RIPK1: variants seen among roughly 807,000 people sequenced by gnomAD.
RIPK1 encodes receptor-interacting serine/threonine-protein kinase 1.
In RIPK1, 27 loss-of-function variants were observed where a neutral mutation model predicts 62.4. The ratio of observed to expected loss-of-function variants is 0.43; its 90% confidence interval spans 0.32 to 0.60. The LOEUF (loss-of-function observed/expected upper bound fraction) is 0.60. Among genes scored for constraint, RIPK1 ranks in the 20% least tolerant of loss-of-function variants. The probability of loss-of-function intolerance (pLI) is 0.07; values close to 1 mark genes in which losing one functional copy is unlikely to be tolerated. For synonymous variants in RIPK1, 287 were observed against 303.2 expected (o/e 0.95, Z 0.55); for missense variants, 735 against 831.0 (o/e 0.88, Z 1.42).
At position 3,110,864 on chromosome 6, in the gene RIPK1, T is replaced by C. The variant is rs1255301168; in HGVS notation, c.1638T>C (p.Tyr546=). 6.2e-7 allele frequency: 1 copy of C among 1,603,922 alleles called. No individual in the cohort carries two copies. Among genetic ancestry groups the C allele is most frequent in the South Asian group, 1.1e-5 (1 of 90,870 alleles). The change falls in exon 10 of 11, where the codon TAT becomes TAC. Residue 546 remains tyrosine (Y), a synonymous_variant. Coordinates refer to ENST00000259808, the MANE Select transcript of RIPK1 (RefSeq NM_001354930.2). ...STGIQIGAYN[Y]MEIGGTSSSL... ...GCATTCAGATTGGAGCCTACAATTA[T>C]ATGGAGATTGGTGGGACGAGTTCAT...
chr6:3,066,685 G>T (rs1758394756), upstream of RIPK1, among the ~76,000 whole-genome samples: 1 of 152,106 alleles, frequency 6.6e-6, no homozygotes, highest in Non-Finnish European at 1.5e-5. Flanking sequence ...TGGAATATTT[G>T]TCACACCTGA....
At position 3,105,378 on chromosome 6, in the gene RIPK1, T is replaced by G; in HGVS notation, c.1007-104T>G. On this transcript the variant is annotated intron_variant, in intron 8 of 10. Transcript: ENST00000259808. This position sits in a 1 kb window ranked among gnomAD's most constrained non-coding sequence, Gnocchi z 4.5. ...GCTTTGGACTGGTCTCGTACTTGTTTTCTGTGTGTTACTTTGAGATACAGA... is the reference window on the plus strand; with the variant it reads ...GCTTTGGACTGGTCTCGTACTTGTTGTCTGTGTGTTACTTTGAGATACAGA... 1.1e-6 allele frequency: 1 copy of G among 891,344 alleles called. No individual in the cohort carries two copies. The highest frequency in any genetic ancestry group is 1.7e-6 in the Non-Finnish European group (1 of 571,612). The allele number at this position is 891,344 out of a possible 1,614,324, so 55.2% of individuals were successfully genotyped here.
chr6:3,109,547 T>C lies in RIPK1; in HGVS notation c.1577-1256T>C, dbSNP rs533347802. Among the ~76,000 whole-genome samples, 4 of 152,348 alleles carry C rather than the reference T, an allele frequency of 2.6e-5. No homozygotes were observed. In the East Asian group the frequency reaches 5.8e-4, roughly 22 times the overall value. ...CCTTCACAGATGCTGTTCAGAGTCG[T>C]GGGATCCCGCTGGGAAGTGTGGCTG... On this transcript the variant is annotated intron_variant, in intron 9 of 10. Transcript: ENST00000259808.
chr6:3,074,835 C>T (rs1289765893), intron 1 of RIPK1, among the ~76,000 whole-genome samples: 1 of 152,162 alleles, frequency 6.6e-6, no homozygotes, highest in East Asian at 1.9e-4. Flanking sequence ...GCGCGTGCCA[C>T]CACGCCTGGC....
intron 6 of RIPK1, among the ~76,000 whole-genome samples, chr6:3,086,404 G>C (rs116751065): frequency 1.3e-5 from 2 of 152,080 alleles, no homozygotes; most frequent in Non-Finnish European, 2.9e-5. Context: ...TTTTATGTTC[G>C]GTGTCCGAGT....
rs11345861 is a variant in RIPK1, at chr6:3,072,900, GC to G, written c.-60-3861del. Among the ~76,000 whole-genome samples, 15,130 of 152,094 alleles carry G rather than the reference GC, an allele frequency of 0.099. 2,527 individuals carry two copies. The highest frequency in any genetic ancestry group is 0.34 in the African/African-American group (14,228 of 41,396). ...GCCTAAAATCAATGTTATCTTTTAT[GC>G]CCTCTGTCTCCACCCGCTCCTACCT... On this transcript the variant is annotated intron_variant, in intron 1 of 10. Coordinates refer to ENST00000259808, the MANE Select transcript of RIPK1 (RefSeq NM_001354930.2). This position sits in a 1 kb window ranked among gnomAD's most constrained non-coding sequence, Gnocchi z 5.6.
chr6:3,111,541 A>G (rs1761157584), intron 10 of RIPK1, among the ~76,000 whole-genome samples: 1 of 152,024 alleles, frequency 6.6e-6, no homozygotes, highest in Admixed American at 6.6e-5. Context: ...AAAGGAACCA[A>G]TAGTAAATGT....
intron 7 of RIPK1, among the ~76,000 whole-genome samples, chr6:3,095,537 C>T (rs1438276516): frequency 6.6e-6 from 1 of 152,082 alleles, no homozygotes; most frequent in Non-Finnish European, 1.5e-5. Flanking sequence ...AGTATAGATG[C>T]AAAAGTTCTA....
intron 3 of RIPK1, among the ~76,000 whole-genome samples, chr6:3,079,208 T>C (rs528736575): frequency 6.8e-4 from 104 of 152,234 alleles, no homozygotes; most frequent in Admixed American, 1.2e-3. Context: ...GCCTCTTGAG[T>C]AGCTGGGATT....
chr6:3,093,980 T>C (rs13194959), intron 7 of RIPK1, among the ~76,000 whole-genome samples: 1,072 of 105,552 alleles, frequency 0.01, 6 homozygotes, highest in Middle Eastern at 0.058. Flanking sequence ...ACCTAGTAAC[T>C]GCAGAGCGCC....
At position 3,106,018 on chromosome 6, in the gene RIPK1, C is replaced by T. The variant is rs1408854533; in HGVS notation, c.1543C>T (p.Pro515Ser). ...VPETNYLGNT[P>S]TMPFSSLPPT... ...TGAGACCAACTATCTAGGAAATACA[C>T]CCACCATGCCATTCAGCTCCTTGCC... The change falls in exon 9 of 11, where the codon CCC (proline) becomes TCC (serine). Residue 515 changes from proline to serine, a missense_variant. Coordinates refer to ENST00000259808, the MANE Select transcript of RIPK1 (RefSeq NM_001354930.2). 1.2e-6 allele frequency: 2 copies of T among 1,610,692 alleles called. No homozygotes were observed. Among genetic ancestry groups the T allele is most frequent in the Non-Finnish European group, 1.7e-6 (2 of 1,177,176 alleles).
At chr6:3,076,287 A>C (rs975504358) in intron 1 of RIPK1, among the ~76,000 whole-genome samples, 1 of 152,190 alleles carries the variant, frequency 6.6e-6, no homozygotes, top group Admixed American at 6.5e-5. Context: ...AAAATATGAA[A>C]AATAGCTCAT....
rs1295642064 is a variant in RIPK1, at chr6:3,113,213, G to C, written c.1890G>C (p.Gln630His). 2 of 1,614,008 alleles carry C rather than the reference G, an allele frequency of 1.2e-6. No homozygotes were observed. Among genetic ancestry groups the C allele is most frequent in the African/African-American group, 1.3e-5 (1 of 74,930 alleles). Residue 630 changes from glutamine (Q) to histidine (H), a missense_variant, in exon 11 of 11, where the codon CAG (glutamine) becomes CAC (histidine). Coordinates refer to ENST00000259808, the MANE Select transcript of RIPK1 (RefSeq NM_001354930.2). This position sits in a 1 kb window ranked among gnomAD's most constrained non-coding sequence, Gnocchi z 5.0. ...ATGGACTGAAAGAAAAGGTTTACCA[G>C]ATGCTCCAAAAGTGGGTGATGAGGG... ...ERDGLKEKVY[Q>H]MLQKWVMREG...
chr6:3,077,160 G>A (rs1759113034), intron 2 of RIPK1, among the ~76,000 whole-genome samples, 173 bp downstream of exon 2: 1 of 152,112 alleles, frequency 6.6e-6, no homozygotes, highest in South Asian at 2.1e-4. Flanking sequence ...TGTGGACTCT[G>A]AGACTGGGTA....
At chr6:3,090,764 A>G (rs746463864) in intron 7 of RIPK1, among the ~76,000 whole-genome samples, 2,156 of 133,580 alleles carry the variant, frequency 0.016, 48 homozygotes, top group Middle Eastern at 0.11. Flanking sequence ...ACCGCAGCGC[A>G]CCTACCTGCC....
At chr6:3,112,074 G>A (rs1238314526) in intron 10 of RIPK1, among the ~76,000 whole-genome samples, 9 of 152,132 alleles carry the variant, frequency 5.9e-5, no homozygotes, top group Non-Finnish European at 8.8e-5. Context: ...TATGAAGGGC[G>A]AAGGGAAGGA....
Position 3,081,057 on chromosome 6 carries a change from G to A in RIPK1, c.400G>A (p.Val134Met), listed in dbSNP as rs748493593. The A allele has an allele frequency of 9.3e-6, 15 of 1,614,150 alleles. No homozygotes were observed. The highest frequency in any genetic ancestry group is 4.4e-5 in the South Asian group (4 of 91,078). The change falls in exon 4 of 11, where the codon GTG (valine) becomes ATG (methionine). Residue 134 changes from valine (V) to methionine (M), a missense_variant. Around this residue, in one of 2 missense-constraint regions of RIPK1, gnomAD observed 671 missense variants for 726.2 expected, o/e 0.92. Transcript: ENST00000259808. ...AATGTGCTACTTACATGGAAAAGGC[G>A]TGATACACAAGGACCTGAAGCCTGA... ...EGMCYLHGKG[V>M]IHKDLKPENI...
At chr6:3,102,185 T>C (rs17548517) in intron 7 of RIPK1, among the ~76,000 whole-genome samples, 10,785 of 152,092 alleles carry the variant, frequency 0.071, 1,302 homozygotes, top group African/African-American at 0.25. Context: ...AAACCCAAAA[T>C]CCAAAATTCA....
intron 7 of RIPK1, among the ~76,000 whole-genome samples, chr6:3,102,512 C>G (rs1001159670): frequency 2.6e-5 from 4 of 152,158 alleles, no homozygotes; most frequent in African/African-American, 7.2e-5. Flanking sequence ...GGATACTACA[C>G]CTGCACCATA....
Sources: allele counts gnomAD v4.1 joint callset (sites outside exome capture counted in the v4.1 genomes callset), GRCh38; gene constraint gnomAD v4.1.1; regional missense constraint gnomAD v4.1.1; non-coding constraint Gnocchi (gnomAD v3.1); transcripts MANE v1.5; gene names NCBI Gene and HGNC (gene_info 2026-07-23, HGNC 2026-07-21).